The following OXCT1 variants were observed in gnomAD, a reference collection of about 807,000 sequenced individuals.
OXCT1 encodes succinyl-CoA:3-ketoacid coenzyme A transferase 1, mitochondrial.
Under a neutral mutation model 69.6 loss-of-function variants are expected in OXCT1, and 27 were observed. The observed-to-expected ratio is 0.39, with a 90% confidence interval of 0.29 to 0.54. The LOEUF is 0.54. Ranked by LOEUF, OXCT1 falls within the 20% of genes least tolerant of loss-of-function variation. The probability of loss-of-function intolerance (pLI) is 0.72; values close to 1 mark genes in which losing one functional copy is unlikely to be tolerated. For synonymous variants in OXCT1, 202 were observed against 217.8 expected (o/e 0.93, Z 0.64); for missense variants, 437 against 650.2 (o/e 0.67, Z 3.57).
chr5:41,861,220 A>G, intron 3 of OXCT1, 94 bp downstream of exon 3: 1 of 843,138 alleles, frequency 1.2e-6, no homozygotes, highest in Non-Finnish European at 2.0e-6. Context: ...TGCTCATGTG[A>G]ATAGGAGAAA....
chr5:41,860,746 C>T (rs576248596), intron 3 of OXCT1, among the ~76,000 whole-genome samples: 2 of 152,176 alleles, frequency 1.3e-5, no homozygotes, highest in Non-Finnish European at 2.9e-5. Flanking sequence ...AATGTGCATG[C>T]TATTATTAAA....
At chr5:41,747,804 A>G (rs1743569855) in intron 15 of OXCT1, among the ~76,000 whole-genome samples, 1 of 152,080 alleles carries the variant, frequency 6.6e-6, no homozygotes, top group African/African-American at 2.4e-5. Flanking sequence ...TTCACAAGAT[A>G]TGTTAAAAGC....
chr5:41,837,303 GAA>G (rs879784629), intron 7 of OXCT1, among the ~76,000 whole-genome samples: 1 of 129,680 alleles, frequency 7.7e-6, no homozygotes. Context: ...CTTTATTTAA[GAA>G]AAAAAAAAAA....
chr5:41,797,642 G>A (rs924432714), intron 11 of OXCT1, among the ~76,000 whole-genome samples: 1 of 152,124 alleles, frequency 6.6e-6, no homozygotes, highest in African/African-American at 2.4e-5. Context: ...TTTGGCTCAC[G>A]ATTTAACAGG....
At chr5:41,761,870 T>C (rs1744365215) in intron 14 of OXCT1, among the ~76,000 whole-genome samples, 2 of 152,182 alleles carry the variant, frequency 1.3e-5, no homozygotes, top group South Asian at 4.1e-4. Flanking sequence ...TTACTTTTAA[T>C]AGGTATGCAG....
intron 7 of OXCT1, among the ~76,000 whole-genome samples, chr5:41,816,218 A>G (rs73750403): frequency 1.7e-3 from 264 of 152,316 alleles, no homozygotes; most frequent in African/African-American, 6.1e-3. Flanking sequence ...GCAGAGTAGA[A>G]TCCTACATAT....
At chr5:41,742,515 G>A (rs1743221139) in intron 15 of OXCT1, among the ~76,000 whole-genome samples, 1 of 152,150 alleles carries the variant, frequency 6.6e-6, no homozygotes, top group Admixed American at 6.5e-5. Flanking sequence ...AAGTTTTAGG[G>A]TACACGTGCA....
At chr5:41,748,691 C>T (rs1238681427) in intron 15 of OXCT1, among the ~76,000 whole-genome samples, 1 of 152,044 alleles carries the variant, frequency 6.6e-6, no homozygotes, top group Non-Finnish European at 1.5e-5. Context: ...ACTTCAAAGC[C>T]TGCTTTAGGG....
chr5:41,844,796 G>A (rs547347608), intron 5 of OXCT1, among the ~76,000 whole-genome samples: 1 of 151,874 alleles, frequency 6.6e-6, no homozygotes, highest in South Asian at 2.1e-4. Context: ...AATCCTGTTG[G>A]CTCTACCATG....
intron 7 of OXCT1, among the ~76,000 whole-genome samples, chr5:41,821,876 CAG>C (rs1747569634): frequency 1.3e-5 from 2 of 152,130 alleles, no homozygotes; most frequent in Non-Finnish European, 2.9e-5. Flanking sequence ...TCTCCCAAAC[CAG>C]AGTTTGTCAT....
chr5:41,851,911 C>G (rs1467452616), intron 4 of OXCT1, among the ~76,000 whole-genome samples: 2 of 152,138 alleles, frequency 1.3e-5, no homozygotes, highest in African/African-American at 2.4e-5. Context: ...TGTTGAATTC[C>G]TAGTCACCAG....
intron 16 of OXCT1, among the ~76,000 whole-genome samples, chr5:41,735,280 C>T (rs949981717): frequency 2.6e-5 from 4 of 152,102 alleles, no homozygotes; most frequent in Non-Finnish European, 5.9e-5. Context: ...GAAGATAATC[C>T]TGTCATACAT....
intron 5 of OXCT1, among the ~76,000 whole-genome samples, chr5:41,846,982 T>C (rs1365001670): frequency 6.6e-6 from 1 of 152,202 alleles, no homozygotes; most frequent in African/African-American, 2.4e-5. Context: ...GGGTTGTTTT[T>C]TTCTTGTAAA....
chr5:41,858,492 C>A (rs1468550572), intron 3 of OXCT1, among the ~76,000 whole-genome samples: 1 of 152,130 alleles, frequency 6.6e-6, no homozygotes, highest in Non-Finnish European at 1.5e-5. Context: ...TAGTAGCCAA[C>A]ATTTTTTAGC....
At chr5:41,761,014 C>T (rs1451206508) in intron 14 of OXCT1, among the ~76,000 whole-genome samples, 2 of 152,002 alleles carry the variant, frequency 1.3e-5, no homozygotes, top group African/African-American at 4.8e-5. Context: ...ACTGTCATTT[C>T]CACTCAGATT....
chr5:41,786,604 T>G (rs1405293145), intron 13 of OXCT1, among the ~76,000 whole-genome samples: 1 of 152,208 alleles, frequency 6.6e-6, no homozygotes, highest in Admixed American at 6.5e-5. Flanking sequence ...TAAAGTCACT[T>G]AAGAGCTGTT....
intron 14 of OXCT1, 130 bp from the exon 15 acceptor site, chr5:41,749,737 G>A (rs958240446): frequency 1.5e-6 from 1 of 679,170 alleles, no homozygotes; most frequent in Non-Finnish European, 2.6e-6. Flanking sequence ...CAGAATTTTT[G>A]CACAGTTACA....
chr5:41,809,998 T>TA (rs2112288987), intron 7 of OXCT1, among the ~76,000 whole-genome samples: 1 of 152,126 alleles, frequency 6.6e-6, no homozygotes, highest in East Asian at 1.9e-4. Flanking sequence ...CAGAGTTGGT[T>TA]AGCAGAGTTA....
chr5:41,807,523 A>C (rs1032395012), intron 7 of OXCT1, 85 bp from the exon 8 acceptor site: 13 of 762,650 alleles, frequency 1.7e-5, no homozygotes, highest in Admixed American at 5.6e-5. Context: ...ACAACTTCAC[A>C]TACAACTTAG....
Sources: gnomAD v4.1 joint callset for allele counts (sites outside exome capture counted in the v4.1 genomes callset) on GRCh38, gnomAD v4.1.1 for gene constraint, MANE v1.5 for transcripts, NCBI Gene and HGNC (gene_info 2026-07-23, HGNC 2026-07-21) for gene names.